HS3ST4: variants seen among roughly 807,000 people sequenced by gnomAD.
HS3ST4 encodes the protein heparan sulfate-glucosamine 3-sulfotransferase 4, also known as heparan sulfate glucosamine 3-O-sulfotransferase 4.
In HS3ST4, 17 loss-of-function variants were observed where a neutral mutation model predicts 29.2. The ratio of observed to expected loss-of-function variants is 0.58; its 90% CI spans 0.40 to 0.87. The LOEUF is 0.87. HS3ST4 is among the 40% of genes least tolerant of loss of function. HS3ST4 has a pLI of 0.00. For synonymous variants in HS3ST4, 314 were observed against 285.7 expected (o/e 1.10, Z -1.00); for missense variants, 627 against 634.5 (o/e 0.99, Z 0.13).
At chr16:25,919,906 G>GTTTTTTTTTTTTTTTTTTTTT (rs1968330261) in intron 1 of HS3ST4, among the ~76,000 whole-genome samples, 1 of 152,164 alleles carries the variant, frequency 6.6e-6, no homozygotes, top group Non-Finnish European at 1.5e-5. Context: ...TATGTAAACA[G>GTTTTTTTTTTTTTTTTTTTTT]TTTTTTAAGA....
chr16:25,710,979 A>G (rs1293870771), intron 1 of HS3ST4, among the ~76,000 whole-genome samples: 1 of 151,096 alleles, frequency 6.6e-6, no homozygotes, highest in East Asian at 1.9e-4. Context: ...ACTATGCCCA[A>G]CTAATTTTTT....
At chr16:26,044,346 C>A (rs1410903571) in intron 1 of HS3ST4, among the ~76,000 whole-genome samples, 6 of 152,312 alleles carry the variant, frequency 3.9e-5, no homozygotes, top group African/African-American at 1.2e-4. Flanking sequence ...CAGCCCCACA[C>A]CCCCATTCTC....
At chr16:25,794,590 A>G (rs1477360546) in intron 1 of HS3ST4, among the ~76,000 whole-genome samples, 1 of 151,820 alleles carries the variant, frequency 6.6e-6, no homozygotes, top group Non-Finnish European at 1.5e-5. Context: ...TTGAAAAATC[A>G]CTTATTAGTC....
intron 1 of HS3ST4, among the ~76,000 whole-genome samples, chr16:25,812,944 G>T (rs1424420895): frequency 6.6e-6 from 1 of 152,096 alleles, no homozygotes; most frequent in African/African-American, 2.4e-5. Context: ...CTTATAGAAA[G>T]AATTTTCTTG....
At chr16:26,082,521 G>A (rs539341097) in intron 1 of HS3ST4, among the ~76,000 whole-genome samples, 4 of 152,078 alleles carry the variant, frequency 2.6e-5, no homozygotes, top group Non-Finnish European at 4.4e-5. Context: ...TTTCTGCACC[G>A]TTATGTCCTC....
intron 1 of HS3ST4, among the ~76,000 whole-genome samples, chr16:26,051,083 G>A (rs1487569314): frequency 6.6e-6 from 1 of 152,164 alleles, no homozygotes; most frequent in African/African-American, 2.4e-5. Context: ...GATTAATACA[G>A]TGCAGACCCT....
chr16:25,828,306 CT>C (rs1967254314), intron 1 of HS3ST4, among the ~76,000 whole-genome samples: 1 of 54,276 alleles, frequency 1.8e-5, no homozygotes, highest in Non-Finnish European at 3.4e-5. Context: ...CTTTCCCTCT[CT>C]CTCTCTCTCT....
chr16:25,936,278 T>C (rs1968516431), intron 1 of HS3ST4, among the ~76,000 whole-genome samples: 1 of 152,232 alleles, frequency 6.6e-6, no homozygotes, highest in Non-Finnish European at 1.5e-5. Context: ...ACTAAGTGAT[T>C]TGGTGGGGAC....
At chr16:25,987,762 T>A (rs1969077853) in intron 1 of HS3ST4, among the ~76,000 whole-genome samples, 1 of 150,630 alleles carries the variant, frequency 6.6e-6, no homozygotes, top group South Asian at 2.1e-4. Flanking sequence ...CAAGATTGAT[T>A]GATTGATTAA....
chr16:25,697,729 G>A (rs933053677), intron 1 of HS3ST4, among the ~76,000 whole-genome samples: 3 of 151,890 alleles, frequency 2.0e-5, no homozygotes, highest in Admixed American at 6.6e-5. Context: ...ACGGGGTCTC[G>A]CTCTGTTGCC....
intron 1 of HS3ST4, among the ~76,000 whole-genome samples, chr16:26,073,755 A>G (rs1027965649): frequency 6.6e-6 from 1 of 152,190 alleles, no homozygotes; most frequent in African/African-American, 2.4e-5. Context: ...TGTCAAAGAG[A>G]TAGTGCAGTA....
intron 1 of HS3ST4, among the ~76,000 whole-genome samples, chr16:26,106,187 C>T (rs183677756): frequency 6.6e-6 from 1 of 152,234 alleles, no homozygotes; most frequent in Non-Finnish European, 1.5e-5. Context: ...ATATATCATT[C>T]AAGTAAATTT....
At chr16:25,818,224 A>G (rs527332699) in intron 1 of HS3ST4, among the ~76,000 whole-genome samples, 1 of 152,262 alleles carries the variant, frequency 6.6e-6, no homozygotes, top group Admixed American at 6.5e-5. Context: ...TGGTATTAGG[A>G]GGTGGGGCCC....
rs147970058 is a variant in HS3ST4, at chr16:25,893,748, G to A, written c.734+200597G>A. On this transcript the variant is annotated intron_variant, in intron 1 of 1. Transcript: ENST00000331351. Reference sequence around the variant, plus strand: ...GGTAATTTTTCAAATGAAAATTGTGGGGTCCACTTAACAAACAAGGTGATG... The same window carrying A: ...GGTAATTTTTCAAATGAAAATTGTGAGGTCCACTTAACAAACAAGGTGATG... Among the ~76,000 whole-genome samples the A allele has an allele frequency of 2.0e-5, 3 of 152,334 alleles. No homozygotes were observed. In the East Asian group the frequency reaches 5.8e-4, roughly 29 times the overall value.
chr16:26,056,610 G>T (rs1325431106), intron 1 of HS3ST4, among the ~76,000 whole-genome samples: 1 of 152,200 alleles, frequency 6.6e-6, no homozygotes, highest in East Asian at 1.9e-4. Context: ...TACCTAATGT[G>T]TGCACACTGG....
Position 25,705,604 on chromosome 16 carries a change from C to T in HS3ST4, c.734+12453C>T, listed in dbSNP as rs528084584. On this transcript the variant is annotated intron_variant, in intron 1 of 1. Coordinates refer to ENST00000331351, the MANE Select transcript of HS3ST4 (RefSeq NM_006040.3). Reference sequence around the variant, plus strand: ...TGCTTGAACCCAGAGGCGGAGGTTGCAGTGAGCTGAGATCGCACCACTACA... The same window carrying T: ...TGCTTGAACCCAGAGGCGGAGGTTGTAGTGAGCTGAGATCGCACCACTACA... Among the ~76,000 whole-genome samples the T allele has an allele frequency of 1.6e-4, 24 of 152,080 alleles. No individual in the cohort carries two copies. In the South Asian group the frequency reaches 5.0e-3, roughly 32 times the overall value.
At chr16:25,968,849 T>G (rs1596630297) in intron 1 of HS3ST4, among the ~76,000 whole-genome samples, 1 of 152,186 alleles carries the variant, frequency 6.6e-6, no homozygotes, top group Non-Finnish European at 1.5e-5. Flanking sequence ...AGATGGAGTC[T>G]TGCTCTGTTG....
chr16:25,789,369 CTCTT>C (rs1448110841), intron 1 of HS3ST4, among the ~76,000 whole-genome samples: 1 of 150,558 alleles, frequency 6.6e-6, no homozygotes, highest in African/African-American at 2.5e-5. Context: ...TTCCCTCTCT[CTCTT>C]TCTCTTTCTT....
intron 1 of HS3ST4, among the ~76,000 whole-genome samples, chr16:25,823,871 A>G (rs528873886): frequency 6.6e-6 from 1 of 152,318 alleles, no homozygotes; most frequent in Non-Finnish European, 1.5e-5. Flanking sequence ...GCCTAAGGCC[A>G]CTGTTTTTTT....
Sources: gnomAD v4.1 joint callset for allele counts (sites outside exome capture counted in the v4.1 genomes callset) on GRCh38, gnomAD v4.1.1 for gene constraint, MANE v1.5 for transcripts, NCBI Gene and HGNC (gene_info 2026-07-23, HGNC 2026-07-21) for gene names.